VRK2: variants seen among roughly 807,000 people sequenced by gnomAD.
VRK2 encodes serine/threonine-protein kinase VRK2.
In VRK2, 60 loss-of-function variants were observed where a neutral mutation model predicts 57.6. The observed-to-expected ratio is 1.04, with a 90% CI of 0.85 to 1.29. The LOEUF is 1.29. VRK2 is among the 50% of genes most tolerant of loss of function. VRK2 has a pLI of 0.00. For missense variants in VRK2, 705 were observed against 588.1 expected (o/e 1.20, Z -2.06); for synonymous variants, 231 against 199.2 (o/e 1.16, Z -1.35).
chr2:57,969,394 C>G (rs1012019848), intron 1 of VRK2, among the ~76,000 whole-genome samples: 1 of 151,740 alleles, frequency 6.6e-6, no homozygotes. Context: ...ATTTGCCTAA[C>G]TGCAGATCAA....
chr2:58,104,713 A>G (rs762156571), intron 7 of VRK2, among the ~76,000 whole-genome samples: 87 of 152,056 alleles, frequency 5.7e-4, no homozygotes, highest in Non-Finnish European at 9.6e-4. Context: ...AACCATCCTG[A>G]AATTCACATA....
chr2:58,081,375 T>C (rs1364357360), intron 2 of VRK2, among the ~76,000 whole-genome samples: 1 of 152,020 alleles, frequency 6.6e-6, no homozygotes, highest in Non-Finnish European at 1.5e-5. Flanking sequence ...TGTTAACATA[T>C]GAAAAAATGT....
intron 1 of VRK2, among the ~76,000 whole-genome samples, chr2:57,940,528 G>T (rs1671059118): frequency 6.8e-6 from 1 of 147,920 alleles, no homozygotes. Context: ...GCCCAGTCAA[G>T]GTGACACAGA....
chr2:57,965,198 T>C (rs1482488814), intron 1 of VRK2, among the ~76,000 whole-genome samples: 1 of 152,158 alleles, frequency 6.6e-6, no homozygotes, highest in Non-Finnish European at 1.5e-5. Context: ...AAATATTAGA[T>C]TGGGTATTTA....
intron 12 of VRK2, among the ~76,000 whole-genome samples, chr2:58,153,088 C>T (rs1157460151): frequency 6.6e-6 from 1 of 152,000 alleles, no homozygotes; most frequent in Non-Finnish European, 1.5e-5. Context: ...CCTCAGAAAG[C>T]AGTGGGTTTA....
At chr2:58,091,476 CTTAAT>C (rs1558624194) in intron 7 of VRK2, among the ~76,000 whole-genome samples, 1 of 151,632 alleles carries the variant, frequency 6.6e-6, no homozygotes, top group Non-Finnish European at 1.5e-5. Flanking sequence ...TTTAATTTAA[CTTAAT>C]TTAAACTTAA....
intron 2 of VRK2, among the ~76,000 whole-genome samples, chr2:58,066,731 T>TA (rs897729239): frequency 1.1e-4 from 16 of 152,164 alleles, no homozygotes; most frequent in South Asian, 4.1e-4. Flanking sequence ...GGCATTCTTT[T>TA]AAAAAAAATG....
intron 10 of VRK2, among the ~76,000 whole-genome samples, chr2:58,137,220 A>ATCATATATGATACATG (rs1215720524): frequency 1.5e-4 from 7 of 48,100 alleles, no homozygotes; most frequent in East Asian, 4.7e-4. Context: ...TGATACATAT[A>ATCATATATGATACATG]TATCATATGA....
At chr2:58,108,916 T>C (rs1675145071) in intron 7 of VRK2, among the ~76,000 whole-genome samples, 1 of 152,246 alleles carries the variant, frequency 6.6e-6, no homozygotes, top group Non-Finnish European at 1.5e-5. Flanking sequence ...CTACCCTTAC[T>C]CATCCTTTTT....
chr2:58,137,156 T>TATATATATCATATATATCATATATATCA, intron 10 of VRK2, among the ~76,000 whole-genome samples: 1 of 24,442 alleles, frequency 4.1e-5, no homozygotes, highest in Non-Finnish European at 8.1e-5. Context: ...TATCATGTGT[T>TATATATATCATATATATCATATATATCA]TATATATATC....
At chr2:57,964,879 C>CAAAA (rs540446220) in intron 1 of VRK2, among the ~76,000 whole-genome samples, 3 of 47,866 alleles carry the variant, frequency 6.3e-5, no homozygotes, top group Admixed American at 3.1e-4. Flanking sequence ...GAATCCATCT[C>CAAAA]AAAAAAAAAA....
intron 1 of VRK2, among the ~76,000 whole-genome samples, chr2:58,017,712 A>G (rs1211943668): frequency 6.6e-6 from 1 of 152,180 alleles, no homozygotes; most frequent in Non-Finnish European, 1.5e-5. Context: ...AAGCACTGAC[A>G]TTAGTATATA....
In VRK2 at chr2:58,019,980, C is replaced by T. The variant is rs140924969; in HGVS notation, c.-438-5685C>T. ...AAAAATAAAAATAAATCTAAAACAA[C>T]GTGACATAACTACGAATAAACATAT... On this transcript the variant is annotated intron_variant, in intron 1 of 15. Coordinates refer to the VRK2 transcript ENST00000417641. 7.2e-5 allele frequency among the ~76,000 whole-genome samples: 11 copies of T among 152,196 alleles called. No individual in the cohort carries two copies. In the East Asian group the frequency reaches 1.7e-3, roughly 24 times the overall value.
At chr2:58,103,583 C>G (rs72951065) in intron 7 of VRK2, among the ~76,000 whole-genome samples, 14 of 151,270 alleles carry the variant, frequency 9.3e-5, no homozygotes, top group Non-Finnish European at 1.9e-4. Context: ...ACGAAAGTAG[C>G]GAGATAGAAT....
chr2:57,964,186 G>A (rs60730828), intron 1 of VRK2, among the ~76,000 whole-genome samples: 17 of 151,918 alleles, frequency 1.1e-4, no homozygotes, highest in East Asian at 3.9e-4. Flanking sequence ...GACTGGAAGC[G>A]TAACTGATAA....
At chr2:58,085,930 C>CTTTTTTTTTTTTTTTTTTTT (rs59333442) in intron 4 of VRK2, among the ~76,000 whole-genome samples, 3 of 116,874 alleles carry the variant, frequency 2.6e-5, no homozygotes, top group East Asian at 2.6e-4. Flanking sequence ...CTTTTTTTTT[C>CTTTTTTTTTTTTTTTTTTTT]TTTTTTTTTT....
intron 1 of VRK2, among the ~76,000 whole-genome samples, chr2:57,976,731 C>T (rs927923068): frequency 2.0e-5 from 3 of 151,976 alleles, no homozygotes; most frequent in African/African-American, 7.2e-5. Context: ...TAATTAGGTC[C>T]CACTTGTCTA....
chr2:58,044,405 A>G (rs1488932461), upstream of VRK2, among the ~76,000 whole-genome samples: 2 of 152,374 alleles, frequency 1.3e-5, no homozygotes, highest in East Asian at 3.9e-4. Flanking sequence ...TTATTCATTG[A>G]AGAAGGAAAT....
intron 1 of VRK2, among the ~76,000 whole-genome samples, chr2:57,920,237 G>C (rs1363551313): frequency 6.6e-6 from 1 of 152,076 alleles, no homozygotes; most frequent in Non-Finnish European, 1.5e-5. Flanking sequence ...CATATTTATA[G>C]TAAATCTCAG....
Sources: allele counts gnomAD v4.1 joint callset (sites outside exome capture counted in the v4.1 genomes callset), GRCh38; gene constraint gnomAD v4.1.1; transcripts MANE v1.5; gene names NCBI Gene and HGNC (gene_info 2026-07-23, HGNC 2026-07-21).